THSD7B: variants seen among roughly 807,000 people sequenced by gnomAD.
The protein encoded by THSD7B is thrombospondin type 1 domain containing 7B.
Under a neutral mutation model 213.6 loss-of-function variants are expected in THSD7B, and 138 were observed. That is an observed-to-expected ratio of 0.65 (90% CI 0.56 to 0.74). The LOEUF (loss-of-function observed/expected upper bound fraction) is 0.74, where lower values mean the gene tolerates loss of function less well. Among genes scored for constraint, THSD7B ranks in the 30% least tolerant of loss-of-function variants. The pLI is 0.00. For missense variants in THSD7B, 1,931 were observed against 1,991.5 expected, an observed-to-expected ratio of 0.97 and a Z score of 0.58; for synonymous variants, 742 against 687.0, an observed-to-expected ratio of 1.08 and a Z score of -1.25.
intron 15 of THSD7B, among the ~76,000 whole-genome samples, chr2:137,486,222 C>A (rs1688439741): frequency 6.6e-6 from 1 of 151,998 alleles, no homozygotes; most frequent in South Asian, 2.1e-4. Context: ...AGTGTCAAGA[C>A]CCATCAGTGT....
intron 20 of THSD7B, among the ~76,000 whole-genome samples, chr2:137,631,787 C>T (rs1171700465): frequency 2.0e-5 from 3 of 152,080 alleles, no homozygotes; most frequent in East Asian, 1.9e-4. Flanking sequence ...ACAAGAAACT[C>T]GACGATCTGT....
At chr2:137,578,470 G>T (rs1050092492) in intron 17 of THSD7B, among the ~76,000 whole-genome samples, 6 of 152,184 alleles carry the variant, frequency 3.9e-5, no homozygotes, top group South Asian at 2.1e-4. Flanking sequence ...ACCTCTTCAA[G>T]CTCTGAGACC....
intron 7 of THSD7B, among the ~76,000 whole-genome samples, chr2:137,174,726 G>A (rs1680327184): frequency 6.6e-6 from 1 of 152,128 alleles, no homozygotes; most frequent in Non-Finnish European, 1.5e-5. Flanking sequence ...TTCTTATTTG[G>A]AATCTGATTT....
chr2:137,285,960 C>T (rs999952675), intron 12 of THSD7B, among the ~76,000 whole-genome samples: 8 of 151,746 alleles, frequency 5.3e-5, no homozygotes, highest in Admixed American at 3.3e-4. Flanking sequence ...AAAAATTAGC[C>T]GGGCACGGTG....
intron 2 of THSD7B, among the ~76,000 whole-genome samples, chr2:137,038,565 T>C (rs1192029376): frequency 6.6e-6 from 1 of 152,214 alleles, no homozygotes; most frequent in Non-Finnish European, 1.5e-5. Context: ...TTAAATTAAT[T>C]GGAGGAAGTT....
chr2:136,795,548 C>T (rs1030669369), intron 1 of THSD7B, among the ~76,000 whole-genome samples: 3 of 151,892 alleles, frequency 2.0e-5, no homozygotes, highest in African/African-American at 4.8e-5. Context: ...TTGTGAGGGC[C>T]GTTATCCTGC....
intron 21 of THSD7B, among the ~76,000 whole-genome samples, chr2:137,649,693 G>C (rs1220282741): frequency 6.6e-6 from 1 of 152,174 alleles, no homozygotes; most frequent in Non-Finnish European, 1.5e-5. Context: ...TTTTATGCCA[G>C]TGCCATGCTG....
intron 2 of THSD7B, among the ~76,000 whole-genome samples, chr2:137,055,128 T>C (rs1315128422): frequency 3.3e-5 from 5 of 152,236 alleles, no homozygotes; most frequent in Non-Finnish European, 7.3e-5. Context: ...TTTTTATGGC[T>C]GCATAGTATT....
chr2:136,771,676 C>G (rs1419429748), intron 1 of THSD7B, among the ~76,000 whole-genome samples: 1 of 152,252 alleles, frequency 6.6e-6, no homozygotes, highest in Non-Finnish European at 1.5e-5. Flanking sequence ...CTCTCTCAGT[C>G]TGAACAACTC....
intron 2 of THSD7B, among the ~76,000 whole-genome samples, chr2:137,028,705 T>G (rs998939778): frequency 2.0e-5 from 3 of 152,206 alleles, no homozygotes; most frequent in Admixed American, 6.5e-5. Context: ...GAGCCCAGCA[T>G]GCTGTGGACG....
chr2:137,014,084 T>C (rs1239455117), intron 2 of THSD7B, among the ~76,000 whole-genome samples: 1 of 152,130 alleles, frequency 6.6e-6, no homozygotes, highest in Non-Finnish European at 1.5e-5. Flanking sequence ...ATCATGCCCA[T>C]CCTTAATGTC....
intron 2 of THSD7B, among the ~76,000 whole-genome samples, chr2:136,890,321 T>TCTCCTTCTC (rs1558839809): frequency 1.8e-3 from 4 of 2,208 alleles, no homozygotes; most frequent in Admixed American, 6.9e-3. Context: ...TTCTTCTTCT[T>TCTCCTTCTC]CTTCTTCTTC....
At chr2:137,325,126 T>G (rs1404350128) in intron 12 of THSD7B, among the ~76,000 whole-genome samples, 2 of 152,210 alleles carry the variant, frequency 1.3e-5, no homozygotes, top group Admixed American at 6.5e-5. Context: ...AACTCATCTC[T>G]CTGAATTCCA....
At chr2:136,904,501 C>T (rs1330007154) in intron 2 of THSD7B, among the ~76,000 whole-genome samples, 2 of 152,186 alleles carry the variant, frequency 1.3e-5, no homozygotes, top group African/African-American at 4.8e-5. Context: ...CTGAAAAGTT[C>T]CCTCTTCTGT....
At chr2:136,967,646 T>C (rs1236016491) in intron 2 of THSD7B, among the ~76,000 whole-genome samples, 2 of 152,218 alleles carry the variant, frequency 1.3e-5, no homozygotes, top group African/African-American at 2.4e-5. Context: ...TGAAGAATAA[T>C]GGTAAAATGA....
At chr2:137,573,956 T>C (rs925707232) in intron 17 of THSD7B, among the ~76,000 whole-genome samples, 3 of 152,104 alleles carry the variant, frequency 2.0e-5, no homozygotes, top group African/African-American at 2.4e-5. Flanking sequence ...AGGGTAGCTG[T>C]TTTAGTTATC....
intron 2 of THSD7B, among the ~76,000 whole-genome samples, chr2:137,049,599 A>T (rs983219500): frequency 1.3e-5 from 2 of 151,168 alleles, no homozygotes; most frequent in African/African-American, 2.5e-5. Flanking sequence ...ATAATTTCTG[A>T]TTGCTGTCTG....
At chr2:136,805,559 A>G (rs1682265900) in intron 1 of THSD7B, among the ~76,000 whole-genome samples, 1 of 151,950 alleles carries the variant, frequency 6.6e-6, no homozygotes, top group Non-Finnish European at 1.5e-5. Context: ...TGTGTTGAAG[A>G]GCTGTTGTTT....
intron 12 of THSD7B, among the ~76,000 whole-genome samples, chr2:137,294,154 CTCTT>C (rs113059003): frequency 0.051 from 7,707 of 152,184 alleles, 457 homozygotes; most frequent in African/African-American, 0.14. Context: ...ACTCGTCTCT[CTCTT>C]TCTATTAAAT....
Sources: gnomAD v4.1 joint callset for allele counts (sites outside exome capture counted in the v4.1 genomes callset) on GRCh38, gnomAD v4.1.1 for gene constraint, MANE v1.5 for transcripts, NCBI Gene and HGNC (gene_info 2026-07-23, HGNC 2026-07-21) for gene names.